Variants in LRBA observed in about 807,000 individuals in gnomAD.
LRBA encodes lipopolysaccharide-responsive and beige-like anchor protein.
A neutral mutation model predicts 330.0 loss-of-function variants in LRBA; 176 were observed. That is an observed-to-expected ratio of 0.53 (90% confidence interval 0.47 to 0.60). LRBA has a LOEUF of 0.60. LRBA is among the 20% of genes least tolerant of loss of function. LRBA has a pLI of 0.00. For synonymous variants in LRBA, 1,230 were observed against 1,193.0 expected (o/e 1.03, Z -0.64); for missense variants, 3,259 against 3,444.8 (o/e 0.95, Z 1.35).
intron 17 of LRBA, among the ~76,000 whole-genome samples, chr4:150,875,920 A>G: frequency 6.6e-6 from 1 of 152,166 alleles, no homozygotes; most frequent in East Asian, 1.9e-4. Context: ...CAAATAAATA[A>G]TTCAAAGCAT....
intron 34 of LRBA, among the ~76,000 whole-genome samples, chr4:150,779,386 A>C (rs1372474056): frequency 6.6e-6 from 1 of 152,008 alleles, no homozygotes; most frequent in Admixed American, 6.5e-5. Flanking sequence ...AAAAAATTTT[A>C]AGCATAAAAT....
intron 40 of LRBA, among the ~76,000 whole-genome samples, chr4:150,505,086 G>A (rs1273855427): frequency 6.6e-6 from 1 of 152,136 alleles, no homozygotes; most frequent in Non-Finnish European, 1.5e-5. Context: ...CAAGTCCTTA[G>A]TGACCTACAA....
At chr4:150,719,875 G>C (rs929960292) in intron 36 of LRBA, among the ~76,000 whole-genome samples, 1 of 152,078 alleles carries the variant, frequency 6.6e-6, no homozygotes, top group Non-Finnish European at 1.5e-5. Flanking sequence ...AAATGACTGA[G>C]GGAAATGATT....
chr4:150,531,500 T>TA (rs1561311000), intron 40 of LRBA, among the ~76,000 whole-genome samples: 1 of 152,196 alleles, frequency 6.6e-6, no homozygotes, highest in Non-Finnish European at 1.5e-5. Flanking sequence ...CCATATGACA[T>TA]ACGTGTTTAT....
At chr4:150,952,191 A>C (rs1242571570) in intron 2 of LRBA, among the ~76,000 whole-genome samples, 2 of 152,214 alleles carry the variant, frequency 1.3e-5, no homozygotes, top group Non-Finnish European at 2.9e-5. Flanking sequence ...TGGACAAGGA[A>C]AGATGTTTAA....
intron 2 of LRBA, among the ~76,000 whole-genome samples, chr4:150,947,480 A>G (rs1736366202): frequency 6.6e-6 from 1 of 152,118 alleles, no homozygotes; most frequent in Admixed American, 6.5e-5. Context: ...CAAAAATTCA[A>G]TAACACTATT....
rs76779029 is a variant in LRBA at position 150,915,848 on chromosome 4, C to A, written c.895-121G>T. 5 of 637,508 alleles carry A rather than the reference C, an allele frequency of 7.8e-6. No individual in the cohort carries two copies. In the African/African-American group the frequency reaches 9.5e-5, roughly 12 times the overall value. The allele number at this position is 637,508 out of a possible 1,614,324, so 39.5% of individuals were successfully genotyped here. A position where few individuals can be genotyped will look rare whatever the true frequency, so the allele number is the denominator to read the frequency against. On this transcript the variant is annotated intron_variant, in intron 7 of 56. Transcript: ENST00000651943. Reference sequence around the variant, plus strand: ...TCAACCTAAAAATAAAACAAGACTACCTTTGTTAAATTCAATATTTACTTT... The same window carrying A: ...TCAACCTAAAAATAAAACAAGACTAACTTTGTTAAATTCAATATTTACTTT...
chr4:150,643,641 AAGATC>A (rs1182739801), intron 37 of LRBA, among the ~76,000 whole-genome samples: 27 of 152,098 alleles, frequency 1.8e-4, no homozygotes, highest in African/African-American at 6.3e-4. Context: ...GTGCTCATCT[AAGATC>A]AGATCATCCA....
rs778966061 is a variant in LRBA, at chr4:150,588,129, C to T, written c.6249G>A (p.Lys2083=). The change falls in exon 40 of 57, where the codon AAG becomes AAA. Residue 2083 remains lysine (K), a synonymous_variant. Transcript: ENST00000651943. ...CGGAGGAGGTGACAGAAAGAGTGCCCTTTACTACAACAGAGGGGGCCACAA... is the reference window on the plus strand; with the variant it reads ...CGGAGGAGGTGACAGAAAGAGTGCCTTTTACTACAACAGAGGGGGCCACAA... ...AQLVAPSVVV[K]GTLSVTSSEL... 6.2e-7 allele frequency: 1 copy of T among 1,612,162 alleles called. No homozygotes were observed. Among genetic ancestry groups the T allele is most frequent in the Admixed American group, 1.7e-5 (1 of 59,778 alleles).
At chr4:150,986,334 T>C (rs1405960183) in intron 2 of LRBA, among the ~76,000 whole-genome samples, 1 of 152,110 alleles carries the variant, frequency 6.6e-6, no homozygotes, top group East Asian at 1.9e-4. Context: ...CTTCACCTCC[T>C]GTCAGATCAG....
At chr4:150,837,862 A>C (rs1284405339) in intron 28 of LRBA, among the ~76,000 whole-genome samples, 2 of 152,022 alleles carry the variant, frequency 1.3e-5, no homozygotes, top group South Asian at 4.1e-4. Context: ...TTTGCTCATT[A>C]GTTGATGCAG....
Position 150,489,396 on chromosome 4 carries a change from TATATTATATATAAGAATATAA to T in LRBA, c.6448+1501_6448+1521del, listed in dbSNP as rs1561251108. 1.7e-3 allele frequency among the ~76,000 whole-genome samples: 106 copies of T among 63,212 alleles called. 12 individuals carry two copies. Among genetic ancestry groups the T allele is most frequent in the Admixed American group, 7.9e-3 (26 of 3,276 alleles). The allele number at this position is 63,212 out of a possible 152,430, so 41.5% of individuals were successfully genotyped here. ...ATATATTACATATAAGAATATAAAA[TATATTATATATAAGAATATAA>T]AATATATTACATATAAGAATATATA... On this transcript the variant is annotated intron_variant, in intron 41 of 56. Coordinates refer to ENST00000651943, the MANE Select transcript of LRBA (RefSeq NM_001364905.1).
chr4:150,927,372 TAA>T (rs556103105), intron 4 of LRBA, among the ~76,000 whole-genome samples: 51 of 125,800 alleles, frequency 4.1e-4, no homozygotes, highest in Non-Finnish European at 5.3e-4. Context: ...GACTCTGCCT[TAA>T]AAAAAAAAAA....
chr4:150,776,225 G>A (rs754661926), intron 34 of LRBA, among the ~76,000 whole-genome samples: 8 of 152,020 alleles, frequency 5.3e-5, no homozygotes, highest in Non-Finnish European at 1.2e-4. Flanking sequence ...GCTGAGGCAG[G>A]AGAATCCCTT....
intron 2 of LRBA, among the ~76,000 whole-genome samples, chr4:150,963,623 G>A (rs2149571063): frequency 6.7e-6 from 1 of 149,702 alleles, no homozygotes; most frequent in Non-Finnish European, 1.5e-5. Flanking sequence ...TAGGAAGTGA[G>A]GAGCGTCTCT....
chr4:150,874,553 T>C (rs1332945395), intron 17 of LRBA, among the ~76,000 whole-genome samples: 1 of 152,166 alleles, frequency 6.6e-6, no homozygotes, highest in Non-Finnish European at 1.5e-5. Flanking sequence ...CTGCAATATC[T>C]CCTGGACAAC....
chr4:151,001,966 C>CA (rs1409428499), intron 2 of LRBA, among the ~76,000 whole-genome samples: 1 of 151,610 alleles, frequency 6.6e-6, no homozygotes, highest in Non-Finnish European at 1.5e-5. Context: ...CTAAGGCCCC[C>CA]AAAAAATCAC....
chr4:150,473,091 TC>T (rs1224659567), intron 42 of LRBA, among the ~76,000 whole-genome samples: 1 of 152,186 alleles, frequency 6.6e-6, no homozygotes, highest in African/African-American at 2.4e-5. Context: ...CACTATATGT[TC>T]CAATCAATAA....
At chr4:150,462,506 C>CT (rs1202507296) in intron 44 of LRBA, among the ~76,000 whole-genome samples, 5 of 151,034 alleles carry the variant, frequency 3.3e-5, no homozygotes, top group Admixed American at 6.6e-5. Flanking sequence ...TCCATTCAGA[C>CT]TTTTTTTTTC....
Sources: gnomAD v4.1 joint callset for allele counts (sites outside exome capture counted in the v4.1 genomes callset) on GRCh38, gnomAD v4.1.1 for gene constraint, MANE v1.5 for transcripts, NCBI Gene and HGNC (gene_info 2026-07-23, HGNC 2026-07-21) for gene names.